Variants in XYLT1 observed in about 807,000 individuals in gnomAD.
XYLT1 encodes xylosyltransferase 1, also known as beta-D-xylosyltransferase 1.
Under a neutral mutation model 91.3 loss-of-function variants are expected in XYLT1, and 36 were observed. The ratio of observed to expected loss-of-function variants is 0.39; its 90% CI spans 0.30 to 0.52. The LOEUF is 0.52. XYLT1 is among the 20% of genes least tolerant of loss of function. XYLT1 has a pLI of 0.68. For synonymous variants in XYLT1, 588 were observed against 532.0 expected (o/e 1.11, Z -1.45); for missense variants, 1,242 against 1,284.5 (o/e 0.97, Z 0.51).
At chr16:17,344,185 C>A (rs1265460969) in intron 2 of XYLT1, among the ~76,000 whole-genome samples, 1 of 151,962 alleles carries the variant, frequency 6.6e-6, no homozygotes. Flanking sequence ...CAGAGAACAG[C>A]CTCACAACAA....
At chr16:17,379,358 C>T (rs1277493261) in intron 1 of XYLT1, among the ~76,000 whole-genome samples, 3 of 152,244 alleles carry the variant, frequency 2.0e-5, no homozygotes, top group Admixed American at 1.3e-4. Flanking sequence ...TAATCTCCAA[C>T]ATCTGACAGG....
At chr16:17,197,872 C>T (rs2032461070) in intron 5 of XYLT1, among the ~76,000 whole-genome samples, 2 of 152,166 alleles carry the variant, frequency 1.3e-5, no homozygotes, top group Non-Finnish European at 2.9e-5. Context: ...TGAGTCAATA[C>T]TCCTTAATAA....
intron 1 of XYLT1, among the ~76,000 whole-genome samples, chr16:17,373,358 GC>G (rs994709609): frequency 6.6e-6 from 1 of 152,162 alleles, no homozygotes; most frequent in Non-Finnish European, 1.5e-5. Flanking sequence ...GGCTTGAGAG[GC>G]TGCTTTTTGA....
chr16:17,294,783 A>C (rs2034285324), intron 2 of XYLT1, among the ~76,000 whole-genome samples: 1 of 152,140 alleles, frequency 6.6e-6, no homozygotes, highest in Non-Finnish European at 1.5e-5. Flanking sequence ...TGAAAATGAC[A>C]GTTCTAGGGT....
At chr16:17,133,588 GGCT>G (rs2030583391) in intron 9 of XYLT1, among the ~76,000 whole-genome samples, 1 of 152,046 alleles carries the variant, frequency 6.6e-6, no homozygotes, top group African/African-American at 2.4e-5. Context: ...GAGAAATGGG[GGCT>G]AATAGTATAA....
intron 2 of XYLT1, among the ~76,000 whole-genome samples, chr16:17,345,296 G>T (rs1431171177): frequency 2.0e-5 from 3 of 152,222 alleles, no homozygotes; most frequent in Non-Finnish European, 4.4e-5. Flanking sequence ...AAACATCCTG[G>T]TATTTCAACT....
intron 5 of XYLT1, among the ~76,000 whole-genome samples, chr16:17,184,760 G>A (rs929826447): frequency 6.6e-6 from 1 of 152,158 alleles, no homozygotes; most frequent in Non-Finnish European, 1.5e-5. Flanking sequence ...TTAATGAATG[G>A]ATGAATGGCC....
chr16:17,277,768 T>C (rs376634208), intron 2 of XYLT1, among the ~76,000 whole-genome samples: 6 of 152,286 alleles, frequency 3.9e-5, no homozygotes, highest in African/African-American at 1.4e-4. Context: ...TATGTAGTCT[T>C]CTGTTCCTGC....
intron 6 of XYLT1, among the ~76,000 whole-genome samples, chr16:17,151,791 A>G (rs1178890538): frequency 6.6e-6 from 1 of 152,196 alleles, no homozygotes; most frequent in African/African-American, 2.4e-5. Context: ...GGTTCAGGCC[A>G]GAGAAGAGAG....
chr16:17,333,585 T>A (rs1432702010), intron 2 of XYLT1, among the ~76,000 whole-genome samples: 2 of 127,852 alleles, frequency 1.6e-5, no homozygotes, highest in East Asian at 2.0e-4. Context: ...TTAATTAATT[T>A]AATTTATTTT....
At chr16:17,346,152 C>T (rs1467084496) in intron 2 of XYLT1, among the ~76,000 whole-genome samples, 12 of 152,124 alleles carry the variant, frequency 7.9e-5, no homozygotes, top group African/African-American at 1.9e-4. Context: ...ACAAAGGGAT[C>T]GCTGGCGTGT....
chr16:17,247,914 A>G (rs951367407), intron 3 of XYLT1, among the ~76,000 whole-genome samples: 3 of 152,198 alleles, frequency 2.0e-5, no homozygotes, highest in Admixed American at 6.5e-5. Context: ...TCCTGATCCA[A>G]GATGACCTCT....
At chr16:17,328,666 T>G (rs2034851315) in intron 2 of XYLT1, among the ~76,000 whole-genome samples, 1 of 150,208 alleles carries the variant, frequency 6.7e-6, no homozygotes, top group Admixed American at 6.7e-5. Flanking sequence ...TTAAAGGGAC[T>G]CCAGGGTCAC....
At chr16:17,313,678 T>C (rs2034585468) in intron 2 of XYLT1, among the ~76,000 whole-genome samples, 1 of 143,116 alleles carries the variant, frequency 7.0e-6, no homozygotes. Context: ...GGGGAAAACA[T>C]CCAAACCATT....
intron 2 of XYLT1, among the ~76,000 whole-genome samples, chr16:17,275,440 A>G (rs1358116443): frequency 2.0e-5 from 3 of 152,146 alleles, no homozygotes; most frequent in Non-Finnish European, 4.4e-5. Context: ...GAAGAAAGCA[A>G]TCACTAAGTG....
intron 2 of XYLT1, among the ~76,000 whole-genome samples, chr16:17,302,053 A>C (rs1326774036): frequency 6.6e-6 from 1 of 152,050 alleles, no homozygotes; most frequent in Non-Finnish European, 1.5e-5. Flanking sequence ...CTCTACTAAA[A>C]ATGCAAAAAT....
intron 2 of XYLT1, among the ~76,000 whole-genome samples, chr16:17,290,146 A>G (rs2034199888): frequency 6.6e-6 from 1 of 152,252 alleles, no homozygotes; most frequent in African/African-American, 2.4e-5. Context: ...AAAAAGAAAA[A>G]GAGGTAGACT....
At chr16:17,470,046 A>G (rs1182391658) in intron 1 of XYLT1, among the ~76,000 whole-genome samples, 1 of 152,102 alleles carries the variant, frequency 6.6e-6, no homozygotes, top group African/African-American at 2.4e-5. Context: ...GCCCAGGAAC[A>G]GCGGCTGAGG....
intron 1 of XYLT1, among the ~76,000 whole-genome samples, chr16:17,416,811 A>G (rs1463326737): frequency 1.3e-5 from 2 of 152,200 alleles, no homozygotes; most frequent in African/African-American, 4.8e-5. Context: ...AGGAAGTGAG[A>G]GTGAGCATGT....
Sources: allele counts gnomAD v4.1 joint callset (sites outside exome capture counted in the v4.1 genomes callset), GRCh38; gene constraint gnomAD v4.1.1; transcripts MANE v1.5; gene names NCBI Gene and HGNC (gene_info 2026-07-23, HGNC 2026-07-21).